SNX1: variants seen among roughly 807,000 people sequenced by gnomAD.
The protein encoded by SNX1 is sorting nexin 1.
In SNX1, 36 loss-of-function variants were observed where a neutral mutation model predicts 71.8. The observed-to-expected ratio is 0.50, with a 90% CI of 0.38 to 0.66. The LOEUF (loss-of-function observed/expected upper bound fraction) is 0.66. SNX1 is among the 30% of genes least tolerant of loss of function. SNX1 has a pLI of 0.00. For missense variants in SNX1, 612 were observed against 646.7 expected, an observed-to-expected ratio of 0.95 and a Z score of 0.58; for synonymous variants, 254 against 240.7, an observed-to-expected ratio of 1.06 and a Z score of -0.51.
intron 1 of SNX1, 69 bp from the exon 2 acceptor site, chr15:64,112,504 T>C: frequency 9.8e-7 from 1 of 1,015,824 alleles, no homozygotes; most frequent in East Asian, 2.5e-5. Flanking sequence ...GCATTAAAAG[T>C]TGCTTTCTAG....
At chr15:64,116,860 G>A (rs1400519981) in intron 2 of SNX1, among the ~76,000 whole-genome samples, 1 of 152,204 alleles carries the variant, frequency 6.6e-6, no homozygotes, top group African/African-American at 2.4e-5. Context: ...CTGGAACACT[G>A]AGGGAATGAG....
At position 64,138,591 on chromosome 15, in the gene SNX1, C is replaced by T. The variant is rs1383187623; in HGVS notation, c.*973C>T. ...TCTAGATAGGGTGATCCAAGAGCTC[C>T]TGAACCTTAGGAGGTTCAAAGAAGC... On this transcript the variant is annotated 3_prime_UTR_variant, in exon 15 of 15. Transcript: ENST00000559844. 1 of 162,062 alleles carries T rather than the reference C, an allele frequency of 6.2e-6. No homozygotes were observed. 10.0% of individuals were successfully genotyped at this position (162,062 alleles called of 1,614,324 possible). A position where few individuals can be genotyped will look rare whatever the true frequency, so the allele number is the denominator to read the frequency against.
intron 1 of SNX1, among the ~76,000 whole-genome samples, chr15:64,106,072 G>A: frequency 6.6e-6 from 1 of 152,008 alleles, no homozygotes; most frequent in Non-Finnish European, 1.5e-5. Flanking sequence ...TACTTAAATA[G>A]AGATGAGCAT....
intron 1 of SNX1, among the ~76,000 whole-genome samples, chr15:64,100,697 T>C (rs2080951657): frequency 1.3e-5 from 2 of 152,072 alleles, no homozygotes; most frequent in Admixed American, 6.6e-5. Flanking sequence ...TAGAGAGTTA[T>C]GTAAGTTATG....
At chr15:64,113,243 G>A (rs905189839) in intron 2 of SNX1, among the ~76,000 whole-genome samples, 1 of 152,162 alleles carries the variant, frequency 6.6e-6, no homozygotes, top group Non-Finnish European at 1.5e-5. Context: ...CACTAGTATA[G>A]GACAGTTTCT....
chr15:64,127,674 G>T, intron 7 of SNX1, 57 bp from the exon 8 acceptor site: 1 of 1,309,162 alleles, frequency 7.6e-7, no homozygotes, highest in East Asian at 2.3e-5. Flanking sequence ...ACTGTGTGAC[G>T]CCCAGAACCT....
Position 64,127,815 on chromosome 15 carries a change from T to C in SNX1, c.807+9T>C. ...TCTTGGAAAAAGAAGAGGTTAGTATTCAGTGCAAACTGAATTTCATAATTT... is the reference window on the plus strand; with the variant it reads ...TCTTGGAAAAAGAAGAGGTTAGTATCCAGTGCAAACTGAATTTCATAATTT... On this transcript the variant is annotated intron_variant, in intron 8 of 14. Transcript: ENST00000559844. 6.2e-7 allele frequency: 1 copy of C among 1,608,508 alleles called. No homozygotes were observed. The highest frequency in any genetic ancestry group is 1.7e-5 in the Admixed American group (1 of 59,928).
chr15:64,104,668 T>C (rs1287150833), intron 1 of SNX1, among the ~76,000 whole-genome samples: 2 of 151,356 alleles, frequency 1.3e-5, no homozygotes, highest in Non-Finnish European at 2.9e-5. Context: ...GTAGATCACC[T>C]GAGGTTGGGA....
chr15:64,115,210 A>C (rs925951201), intron 2 of SNX1, among the ~76,000 whole-genome samples: 6 of 152,208 alleles, frequency 3.9e-5, no homozygotes, highest in African/African-American at 1.4e-4. Context: ...ATATTTGTTC[A>C]TAGTGAGGAT....
rs1394971203 is a variant in SNX1, at chr15:64,108,192, C to CA, written c.160-4367dup. Reference sequence around the variant, plus strand: ...TGGGCGACAGAGTGAGACTCTGTCTCAAAAAAAAAAAAAAGGTTATAAAGC... The same window carrying CA: ...TGGGCGACAGAGTGAGACTCTGTCTCAAAAAAAAAAAAAAAGGTTATAAAGC... On this transcript the variant is annotated intron_variant, in intron 1 of 14. Transcript: ENST00000559844. Among the ~76,000 whole-genome samples, 574 of 82,432 alleles carry CA rather than the reference C, an allele frequency of 7.0e-3. 2 individuals carry two copies. The highest frequency in any genetic ancestry group is 8.8e-3 in the Admixed American group (67 of 7,654). 54.1% of individuals were successfully genotyped at this position (82,432 alleles called of 152,430 possible).
chr15:64,130,198 T>G (rs1596002346), intron 9 of SNX1, 30 bp from the exon 10 acceptor site: 12 of 1,592,278 alleles, frequency 7.5e-6, no homozygotes, highest in Non-Finnish European at 1.0e-5. Flanking sequence ...AAAAGTAATC[T>G]CATTAAAGTT....
At chr15:64,132,288 G>C (rs1337045904) in intron 11 of SNX1, 3 of 222,334 alleles carry the variant, frequency 1.3e-5, no homozygotes, top group Non-Finnish European at 2.7e-5. Context: ...AACAGTAACT[G>C]GTGGCTTTGC....
At position 64,129,660 on chromosome 15, in the gene SNX1, G is replaced by A. The variant is rs1425066344; in HGVS notation, c.808-256G>A. On this transcript the variant is annotated intron_variant, in intron 8 of 14. Transcript: ENST00000559844. The surrounding 1 kb of genome is among the most constrained non-coding windows in gnomAD (Gnocchi z 4.4). The stretch of plus-strand genomic sequence containing the variant: ...TCTCAATTTGAGGTCACCTGGCCAC[G>A]TAACACCCCAGTCTACTTTTTTTCT... 1.3e-5 allele frequency among the ~76,000 whole-genome samples: 2 copies of A among 152,172 alleles called. No homozygotes were observed. The highest frequency in any genetic ancestry group is 2.9e-5 in the Non-Finnish European group (2 of 68,028).
chr15:64,106,180 C>G (rs1595978852), intron 1 of SNX1, among the ~76,000 whole-genome samples: 1 of 152,006 alleles, frequency 6.6e-6, no homozygotes, highest in East Asian at 1.9e-4. Flanking sequence ...TGTTGCTTAT[C>G]TTTATGATTA....
intron 7 of SNX1, 74 bp from the exon 8 acceptor site, chr15:64,127,657 T>C: frequency 9.4e-7 from 1 of 1,059,106 alleles, no homozygotes; most frequent in African/African-American, 1.6e-5. Flanking sequence ...ATGGTATCAC[T>C]GCCAGCACTG....
intron 4 of SNX1, among the ~76,000 whole-genome samples, chr15:64,122,708 C>A (rs1232610450): frequency 6.6e-6 from 1 of 152,200 alleles, no homozygotes; most frequent in Non-Finnish European, 1.5e-5. Flanking sequence ...CAACCCCAAA[C>A]ACCATAGTCC....
In SNX1 at chr15:64,134,405, A is replaced by T. The variant is rs1596007126; in HGVS notation, c.1222-259A>T. 8.4e-6 allele frequency: 4 copies of T among 475,552 alleles called. No individual in the cohort carries two copies. The highest frequency in any genetic ancestry group is 1.5e-5 in the Non-Finnish European group (4 of 264,666). 29.5% of individuals were successfully genotyped at this position (475,552 alleles called of 1,614,324 possible). On this transcript the variant is annotated intron_variant, in intron 11 of 14. Transcript: ENST00000559844. The surrounding 1 kb of genome is among the most constrained non-coding windows in gnomAD (Gnocchi z 4.1). ...TAGTATTGGTCACTGGCATGAGGCC[A>T]CCTACTGGATCCCTGCCATCCAGCC...
In SNX1 at chr15:64,126,093, G is replaced by A. The variant is rs2081249288; in HGVS notation, c.525G>A (p.Leu175=). The A allele has an allele frequency of 6.2e-7, 1 of 1,614,078 alleles. No homozygotes were observed. The part of the protein sequence containing the change: ...YKVTTQTSLP[L]FRSKQFAVKR... ...CTGTCCCCAAGACAAGCTTACCATT[G>A]TTCAGAAGCAAACAGTTTGCAGTAA... The change falls in exon 6 of 15, where the codon TTG becomes TTA. Residue 175 remains leucine (L), a synonymous_variant. Coordinates refer to ENST00000559844, the MANE Select transcript of SNX1 (RefSeq NM_003099.5).
In SNX1 at chr15:64,130,931, G is replaced by T. The variant is rs2081299847; in HGVS notation, c.1015+610G>T. On this transcript the variant is annotated intron_variant, in intron 10 of 14. Coordinates refer to ENST00000559844, the MANE Select transcript of SNX1 (RefSeq NM_003099.5). ...AAATTTAGGTTTTTACATTTTTAAA[G>T]GAATGAATGAGGGGAGAAAAGAATC... 1.3e-5 allele frequency among the ~76,000 whole-genome samples: 2 copies of T among 152,182 alleles called. 1 individual carries two copies. Among genetic ancestry groups the T allele is most frequent in the South Asian group, 4.1e-4 (2 of 4,826 alleles).
Sources: allele counts gnomAD v4.1 joint callset (sites outside exome capture counted in the v4.1 genomes callset), GRCh38; gene constraint gnomAD v4.1.1; non-coding constraint Gnocchi (gnomAD v3.1); transcripts MANE v1.5; gene names NCBI Gene and HGNC (gene_info 2026-07-23, HGNC 2026-07-21).